The following RANBP2 variants were observed in gnomAD, a reference collection of about 807,000 sequenced individuals.
RANBP2 encodes the protein E3 SUMO-protein ligase RanBP2.
RANBP2 carries 57 observed loss-of-function variants against 303.6 expected under a neutral mutation model. The ratio of observed to expected loss-of-function variants is 0.19; its 90% CI spans 0.15 to 0.23. RANBP2 has a LOEUF of 0.23. RANBP2 is among the 10% of genes least tolerant of loss of function. The pLI, the probability that RANBP2 is intolerant of heterozygous loss-of-function variation, is 1.00. For missense variants in RANBP2, 3,138 were observed against 3,780.8 expected (o/e 0.83, Z 4.46); for synonymous variants, 1,167 against 1,301.5 (o/e 0.90, Z 2.23).
the RANBP2 span, among the ~76,000 whole-genome samples, chr2:108,963,130 C>T: frequency 1.4e-3 from 214 of 152,294 alleles, no homozygotes; most frequent in African/African-American, 5.1e-3. Context: ...ACACCCCTAG[C>T]TTCAACCACT....
At chr2:108,917,413 G>A in the RANBP2 span, among the ~76,000 whole-genome samples, 13,761 of 152,160 alleles carry the variant, frequency 0.09, 2,112 homozygotes, top group African/African-American at 0.32. Flanking sequence ...AGGATTTGCA[G>A]TGTTCCCAAC....
the RANBP2 span, among the ~76,000 whole-genome samples, chr2:109,075,052 A>AAAAAG: frequency 1.1e-4 from 7 of 61,266 alleles, no homozygotes; most frequent in Non-Finnish European, 1.7e-4. Flanking sequence ...AAAAAAAAGA[A>AAAAAG]GAAGAAGAAA....
chr2:109,061,983 A>C, the RANBP2 span, among the ~76,000 whole-genome samples: 1 of 152,038 alleles, frequency 6.6e-6, no homozygotes, highest in African/African-American at 2.4e-5. Flanking sequence ...TAGGGTCCCA[A>C]ATGTCCAGCC....
At chr2:109,514,372 G>A in the RANBP2 span, among the ~76,000 whole-genome samples, 1 of 152,136 alleles carries the variant, frequency 6.6e-6, no homozygotes, top group Admixed American at 6.5e-5. Context: ...GGGTGTGCGA[G>A]TGCCCACAGC....
chr2:109,657,199 A>T, the RANBP2 span, among the ~76,000 whole-genome samples: 1 of 152,134 alleles, frequency 6.6e-6, no homozygotes, highest in Non-Finnish European at 1.5e-5. Flanking sequence ...TGCCAGACAC[A>T]CTTTGGGAGG....
chr2:109,476,916 G>T, the RANBP2 span, among the ~76,000 whole-genome samples: 1 of 152,180 alleles, frequency 6.6e-6, no homozygotes, highest in East Asian at 1.9e-4. Flanking sequence ...TAATGGGAGT[G>T]TAGCAGTGAG....
the RANBP2 span, among the ~76,000 whole-genome samples, chr2:108,795,150 A>ATTTTTTTTTTTTTTTTTT: frequency 4.7e-5 from 4 of 85,010 alleles, no homozygotes; most frequent in African/African-American, 4.8e-5. Flanking sequence ...TCTAAAGTGT[A>ATTTTTTTTTTTTTTTTTT]TTTTTTTTTT....
the RANBP2 span, among the ~76,000 whole-genome samples, chr2:109,366,071 T>C: frequency 6.6e-6 from 1 of 152,150 alleles, no homozygotes; most frequent in Non-Finnish European, 1.5e-5. Context: ...ATTTGAAAAA[T>C]AGGAAAGAAA....
chr2:109,231,158 G>T, the RANBP2 span, among the ~76,000 whole-genome samples: 1 of 152,172 alleles, frequency 6.6e-6, no homozygotes, highest in African/African-American at 2.4e-5. Context: ...CTCTCCTCCC[G>T]GAGCCAGGCC....
chr2:109,609,341 T>C, the RANBP2 span, among the ~76,000 whole-genome samples: 2 of 78,980 alleles, frequency 2.5e-5, no homozygotes, highest in African/African-American at 9.4e-5. Context: ...ATACAAAGAA[T>C]AATACAGGTT....
At chr2:108,992,964 C>G in the RANBP2 span, among the ~76,000 whole-genome samples, 2 of 145,308 alleles carry the variant, frequency 1.4e-5, no homozygotes, top group Admixed American at 1.4e-4. Flanking sequence ...AGTATCATCT[C>G]AGAGCACCCG....
chr2:109,255,062 A>G, the RANBP2 span, among the ~76,000 whole-genome samples: 1 of 152,140 alleles, frequency 6.6e-6, no homozygotes, highest in African/African-American at 2.4e-5. Flanking sequence ...CAGTCCTCCT[A>G]AGGCTAAAAG....
chr2:108,783,515 G>T (rs1678405309), intron 28 of RANBP2, 81 bp from the exon 29 acceptor site: 1 of 1,029,678 alleles, frequency 9.7e-7, no homozygotes, highest in Admixed American at 2.2e-5. Context: ...GATGAGTTCT[G>T]TGTGTATTTT....
At chr2:109,580,848 C>A in the RANBP2 span, among the ~76,000 whole-genome samples, 1 of 152,192 alleles carries the variant, frequency 6.6e-6, no homozygotes, top group Non-Finnish European at 1.5e-5. Flanking sequence ...GGACAAGTGT[C>A]CCGGGCAGAG....
At chr2:108,901,497 A>G in the RANBP2 span, among the ~76,000 whole-genome samples, 1 of 152,240 alleles carries the variant, frequency 6.6e-6, no homozygotes, top group Admixed American at 6.5e-5. Flanking sequence ...AATGAAATTG[A>G]AAACTATAAA....
chr2:108,725,001 G>A (rs1353353030), intron 1 of RANBP2, among the ~76,000 whole-genome samples: 1 of 152,110 alleles, frequency 6.6e-6, no homozygotes, highest in Non-Finnish European at 1.5e-5. Context: ...TAGTGAAAAA[G>A]TAGGCCACAA....
At chr2:108,870,017 T>C in the RANBP2 span, among the ~76,000 whole-genome samples, 1 of 152,200 alleles carries the variant, frequency 6.6e-6, no homozygotes, top group African/African-American at 2.4e-5. Flanking sequence ...ATCTTAAATA[T>C]GCTCAATGAG....
the RANBP2 span, among the ~76,000 whole-genome samples, chr2:109,508,892 C>A: frequency 4.6e-5 from 7 of 152,204 alleles, no homozygotes; most frequent in Admixed American, 2.6e-4. Flanking sequence ...CAGTCTGTGC[C>A]TGAGGAGCAA....
At chr2:109,542,156 G>A in the RANBP2 span, among the ~76,000 whole-genome samples, 1 of 152,166 alleles carries the variant, frequency 6.6e-6, no homozygotes, top group East Asian at 1.9e-4. Context: ...TGCCTCAGTG[G>A]ATAATTCATT....
Sources: allele counts gnomAD v4.1 joint callset (sites outside exome capture counted in the v4.1 genomes callset), GRCh38; gene constraint gnomAD v4.1.1; transcripts MANE v1.5; gene names NCBI Gene and HGNC (gene_info 2026-07-23, HGNC 2026-07-21).